The following BCAS1 variants were observed in gnomAD, a reference collection of about 807,000 sequenced individuals.
The protein encoded by BCAS1 is breast carcinoma-amplified sequence 1.
Under a neutral mutation model 65.4 loss-of-function variants are expected in BCAS1, and 46 were observed. The observed-to-expected ratio is 0.70, with a 90% CI of 0.55 to 0.90. BCAS1 has a LOEUF of 0.90. Ranked by LOEUF, BCAS1 falls within the 40% of genes least tolerant of loss-of-function variation. The pLI, the probability that BCAS1 is intolerant of heterozygous loss-of-function variation, is 0.00. For missense variants in BCAS1, 793 were observed against 771.2 expected (o/e 1.03, Z -0.33); for synonymous variants, 298 against 293.5 (o/e 1.02, Z -0.16).
intron 12 of BCAS1, among the ~76,000 whole-genome samples, chr20:53,948,900 A>T (rs2089421422): frequency 1.3e-5 from 2 of 152,000 alleles, no homozygotes; most frequent in African/African-American, 4.8e-5. Context: ...GCTCTTTCCA[A>T]CCCTCGGTCT....
Position 53,960,595 on chromosome 20 carries a change from T to A in BCAS1, c.1486-3098A>T, listed in dbSNP as rs540148449. 1.2e-4 allele frequency among the ~76,000 whole-genome samples: 18 copies of A among 152,268 alleles called. No individual in the cohort carries two copies. The East Asian group carries it at 3.5e-3, about 29-fold the overall frequency. ...ATGCAAAGGTGACTGAAGTTTGGGT[T>A]TACACTTAGAATCTTATTAAATCCA... On this transcript the variant is annotated intron_variant, in intron 10 of 12. Transcript: ENST00000688948.
chr20:54,013,432 A>G (rs2091364992), intron 4 of BCAS1, among the ~76,000 whole-genome samples: 1 of 152,246 alleles, frequency 6.6e-6, no homozygotes, highest in African/African-American at 2.4e-5. Context: ...AAATGTTTAC[A>G]AAAACATTCA....
chr20:53,980,659 TG>T (rs2090454357), intron 8 of BCAS1, among the ~76,000 whole-genome samples: 1 of 152,230 alleles, frequency 6.6e-6, no homozygotes, highest in Non-Finnish European at 1.5e-5. Context: ...GGGCTTGAGG[TG>T]TGTCTCTACT....
chr20:54,006,079 A>C (rs995944527), intron 4 of BCAS1, among the ~76,000 whole-genome samples: 2 of 152,148 alleles, frequency 1.3e-5, no homozygotes, highest in African/African-American at 4.8e-5. Flanking sequence ...CACAGGGCAA[A>C]GGGGCTAAAC....
rs745648352 is a variant in BCAS1, at chr20:54,051,729, G to GT, written c.142+6355dup. Among the ~76,000 whole-genome samples, 155 of 95,028 alleles carry GT rather than the reference G, an allele frequency of 1.6e-3. 1 individual carries two copies. Among genetic ancestry groups the GT allele is most frequent in the African/African-American group, 6.0e-3 (143 of 23,716 alleles). The allele number at this position is 95,028 out of a possible 152,430, so 62.3% of individuals were successfully genotyped here. On this transcript the variant is annotated intron_variant, in intron 3 of 12. Coordinates refer to ENST00000688948, the MANE Select transcript of BCAS1 (RefSeq NM_001366298.2). Reference sequence around the variant, plus strand: ...GACTATGCTGGTTTTTTTTTTGTTTGTTGTTGTTGTTGTTGTTGTTGTTGT... The same window carrying GT: ...GACTATGCTGGTTTTTTTTTTGTTTGTTTGTTGTTGTTGTTGTTGTTGTTGT...
rs1308258221 is a variant in BCAS1, at chr20:54,035,340, G to A, written c.143-6368C>T. Among the ~76,000 whole-genome samples the A allele has an allele frequency of 5.6e-5, 8 of 143,878 alleles. No individual in the cohort carries two copies. In the Admixed American group the frequency reaches 5.7e-4, roughly 10 times the overall value. 94.4% of individuals were successfully genotyped at this position (143,878 alleles called of 152,430 possible). A position where few individuals can be genotyped will look rare whatever the true frequency, so the allele number is the denominator to read the frequency against. On this transcript the variant is annotated intron_variant, in intron 3 of 12. Coordinates refer to ENST00000688948, the MANE Select transcript of BCAS1 (RefSeq NM_001366298.2). ...GGTGTGAACCCGGGAGACAGAGCTTGCACTGAGCCGAGACCACATCACTGC... is the reference window on the plus strand; with the variant it reads ...GGTGTGAACCCGGGAGACAGAGCTTACACTGAGCCGAGACCACATCACTGC...
At chr20:54,037,580 T>C (rs1297402834) in intron 3 of BCAS1, among the ~76,000 whole-genome samples, 1 of 151,624 alleles carries the variant, frequency 6.6e-6, no homozygotes, top group African/African-American at 2.4e-5. Context: ...TTATTTATTA[T>C]TTATTTATTT....
Position 53,990,712 on chromosome 20 carries a change from A to G in BCAS1, c.1062+1800T>C, listed in dbSNP as rs1361039644. On this transcript the variant is annotated intron_variant, in intron 7 of 12. Coordinates refer to ENST00000688948, the MANE Select transcript of BCAS1 (RefSeq NM_001366298.2). ...CAACAGAAATAATCAAAAGAGAAAA[A>G]GAAATGAACTATCTCAGGTGCAGAG... Among the ~76,000 whole-genome samples the G allele has an allele frequency of 2.6e-5, 4 of 152,222 alleles. No homozygotes were observed. In the East Asian group the frequency reaches 7.7e-4, roughly 29 times the overall value.
At chr20:54,041,256 TTGCACAC>T (rs1263079810) in intron 3 of BCAS1, among the ~76,000 whole-genome samples, 2 of 151,292 alleles carry the variant, frequency 1.3e-5, no homozygotes, top group African/African-American at 2.4e-5. Flanking sequence ...CGTGGAACGA[TTGCACAC>T]ATGGTGCAAA....
intron 10 of BCAS1, among the ~76,000 whole-genome samples, chr20:53,960,595 T>C (rs540148449): frequency 6.6e-6 from 1 of 152,152 alleles, no homozygotes; most frequent in Admixed American, 6.5e-5. Context: ...AAGTTTGGGT[T>C]TACACTTAGA....
At chr20:54,019,281 T>A (rs962483630) in intron 4 of BCAS1, among the ~76,000 whole-genome samples, 1 of 152,240 alleles carries the variant, frequency 6.6e-6, no homozygotes, top group Non-Finnish European at 1.5e-5. Context: ...CATGGATGAT[T>A]AAGTTTGAGA....
In BCAS1 at chr20:53,992,565, G is replaced by GC; in HGVS notation, c.1008dup (p.His337AlafsTer4). ...AGTCCTAGCCTGGGGCTATCCAGGT[G>GC]CTTTTTCTTGGTGCCTCTAGCCTGG... On this transcript the variant is annotated frameshift_variant, in exon 7 of 13. Transcript: ENST00000688948. LOFTEE classifies it high-confidence loss of function. 1 of 1,365,316 alleles carries GC rather than the reference G, an allele frequency of 7.3e-7. No individual in the cohort carries two copies. The highest frequency in any genetic ancestry group is 9.8e-7 in the Non-Finnish European group (1 of 1,021,630). The allele number at this position is 1,365,316 out of a possible 1,614,324, so 84.6% of individuals were successfully genotyped here.
chr20:53,975,754 T>C lies in BCAS1; in HGVS notation c.1276-324A>G, dbSNP rs143369276. Among the ~76,000 whole-genome samples, 384 of 152,256 alleles carry C rather than the reference T, an allele frequency of 2.5e-3. 2 individuals carry two copies. Among genetic ancestry groups the C allele is most frequent in the African/African-American group, 9.1e-3 (377 of 41,546 alleles). On this transcript the variant is annotated intron_variant, in intron 8 of 12. Coordinates refer to ENST00000688948, the MANE Select transcript of BCAS1 (RefSeq NM_001366298.2). ...AGCAATGTACTTGCCTTTATATTTTTTAGTAGTTGATGAAAAGAGAGAAAT... is the reference window on the plus strand; with the variant it reads ...AGCAATGTACTTGCCTTTATATTTTCTAGTAGTTGATGAAAAGAGAGAAAT...
At chr20:53,965,507 A>G (rs1365059265) in intron 10 of BCAS1, among the ~76,000 whole-genome samples, 3 of 152,210 alleles carry the variant, frequency 2.0e-5, no homozygotes, top group African/African-American at 7.2e-5. Context: ...TATATTATTT[A>G]AGCTCCTGGC....
At chr20:54,022,776 A>C (rs1212438819) in intron 4 of BCAS1, among the ~76,000 whole-genome samples, 1 of 152,244 alleles carries the variant, frequency 6.6e-6, no homozygotes, top group Non-Finnish European at 1.5e-5. Context: ...TTATTTTAAA[A>C]TGGGGCTATT....
rs148579926 is a variant in BCAS1, at chr20:54,036,211, C to T, written c.143-7239G>A. On this transcript the variant is annotated intron_variant, in intron 3 of 12. Transcript: ENST00000688948. ...AATTTACCTATATAACAAACCTGCC[C>T]GTGTACCCCTGAACTTAAAATAAAA... 4.0e-3 allele frequency among the ~76,000 whole-genome samples: 599 copies of T among 150,808 alleles called. 15 individuals carry two copies. Among genetic ancestry groups the T allele is most frequent in the African/African-American group, 0.013 (529 of 41,264 alleles).
Position 54,028,803 on chromosome 20 carries a change from T to C in BCAS1, c.312A>G (p.Pro104=). 6.2e-7 allele frequency: 1 copy of C among 1,614,176 alleles called. No individual in the cohort carries two copies. The highest frequency in any genetic ancestry group is 8.5e-7 in the Non-Finnish European group (1 of 1,180,032). Residue 104 remains proline (P), a synonymous_variant, in exon 4 of 13, where the codon CCA becomes CCG. Coordinates refer to ENST00000688948, the MANE Select transcript of BCAS1 (RefSeq NM_001366298.2). ...CTGCGGCTTGGTCTCCGGTACGTCC[T>C]GGTACAGGCCGAGAGAGCATCAAGA... The part of the protein sequence containing the change: ...RFFLMLSRPV[P]GRTGDQAADS...
intron 3 of BCAS1, 48 bp downstream of exon 3, chr20:54,058,037 C>T: frequency 7.2e-7 from 1 of 1,389,000 alleles, no homozygotes; most frequent in Non-Finnish European, 1.0e-6. Context: ...ATCTGCAGAC[C>T]CCCCTTCCCC....
chr20:54,044,177 G>A (rs979320074), intron 3 of BCAS1, among the ~76,000 whole-genome samples: 18 of 152,156 alleles, frequency 1.2e-4, no homozygotes, highest in African/African-American at 4.1e-4. Flanking sequence ...TGCACCTTGA[G>A]GAAAAGAATT....
Sources: gnomAD v4.1 joint callset for allele counts (sites outside exome capture counted in the v4.1 genomes callset) on GRCh38, gnomAD v4.1.1 for gene constraint, MANE v1.5 for transcripts, NCBI Gene and HGNC (gene_info 2026-07-23, HGNC 2026-07-21) for gene names.